The following RASGRF2 variants were observed in gnomAD, a reference collection of about 807,000 sequenced individuals.
RASGRF2 encodes the protein Ras protein specific guanine nucleotide releasing factor 2, also known as ras-specific guanine nucleotide-releasing factor 2.
A neutral mutation model predicts 151.0 loss-of-function variants in RASGRF2; 76 were observed. The observed-to-expected ratio is 0.50, with a 90% CI of 0.42 to 0.61. RASGRF2 has a LOEUF of 0.61. Among genes scored for constraint, RASGRF2 ranks in the 20% least tolerant of loss-of-function variants. The pLI is 0.00. For synonymous variants in RASGRF2, 504 were observed against 566.5 expected (o/e 0.89, Z 1.57); for missense variants, 1,148 against 1,564.6 (o/e 0.73, Z 4.49).
intron 12 of RASGRF2, among the ~76,000 whole-genome samples, chr5:81,097,240 C>T (rs913371594): frequency 2.0e-5 from 3 of 152,106 alleles, no homozygotes; most frequent in Admixed American, 6.5e-5. Flanking sequence ...GGATTACACG[C>T]GTGAGCCACT....
rs11955893 is a variant in RASGRF2 at position 81,155,613 on chromosome 5, A to G, written c.2687-24562A>G. Among the ~76,000 whole-genome samples the G allele has an allele frequency of 5.2e-5, 7 of 135,742 alleles. No homozygotes were observed. The East Asian group carries it at 1.5e-3, about 29-fold the overall frequency. 89.1% of individuals were successfully genotyped at this position (135,742 alleles called of 152,430 possible). On this transcript the variant is annotated intron_variant, in intron 17 of 26. Transcript: ENST00000265080. Reference sequence around the variant, plus strand: ...TCTGTCCAACCAAACCCATGCCCAAAACTGGCAGCAGTGGAGTCCCATAAG... The same window carrying G: ...TCTGTCCAACCAAACCCATGCCCAAGACTGGCAGCAGTGGAGTCCCATAAG...
At chr5:81,180,604 A>G (rs1321695030) in intron 18 of RASGRF2, among the ~76,000 whole-genome samples, 2 of 152,104 alleles carry the variant, frequency 1.3e-5, no homozygotes, top group African/African-American at 4.8e-5. Context: ...CTACCCTGGG[A>G]GCACTTTTCA....
chr5:81,022,101 C>T lies in RASGRF2; in HGVS notation c.289-20776C>T, dbSNP rs533389966. On this transcript the variant is annotated intron_variant, in intron 1 of 26. Transcript: ENST00000265080. The stretch of plus-strand genomic sequence containing the variant: ...TCATCAGAGATTCAAAGTATAGGAA[C>T]GATGGGGGAGTGGTAGCAGATGGTC... 3.7e-4 allele frequency among the ~76,000 whole-genome samples: 56 copies of T among 152,256 alleles called. 1 individual carries two copies. In the South Asian group the frequency reaches 9.1e-3, roughly 25 times the overall value.
intron 2 of RASGRF2, among the ~76,000 whole-genome samples, chr5:81,064,995 C>T (rs1561587561): frequency 6.6e-6 from 1 of 152,150 alleles, no homozygotes; most frequent in Non-Finnish European, 1.5e-5. Flanking sequence ...TGTTCTCCCA[C>T]TGGCTTTGAA....
At chr5:81,151,364 G>A (rs937243399) in intron 17 of RASGRF2, among the ~76,000 whole-genome samples, 4 of 149,782 alleles carry the variant, frequency 2.7e-5, no homozygotes, top group Non-Finnish European at 5.9e-5. Context: ...TTGGGTTTTT[G>A]GTCCACAGGA....
chr5:81,043,702 A>G (rs1750748894), intron 2 of RASGRF2, among the ~76,000 whole-genome samples: 1 of 152,008 alleles, frequency 6.6e-6, no homozygotes, highest in Admixed American at 6.6e-5. Flanking sequence ...CCACTCCCTA[A>G]TCCAGGCTGT....
intron 5 of RASGRF2, among the ~76,000 whole-genome samples, chr5:81,078,805 T>C (rs1752008873): frequency 6.6e-6 from 1 of 152,190 alleles, no homozygotes; most frequent in Non-Finnish European, 1.5e-5. Flanking sequence ...AATCCCTCGC[T>C]GAGTGGAGGG....
intron 1 of RASGRF2, among the ~76,000 whole-genome samples, chr5:80,971,869 C>T (rs928214152): frequency 2.0e-5 from 3 of 151,832 alleles, no homozygotes; most frequent in Non-Finnish European, 4.4e-5. Context: ...CCGCACTCCA[C>T]CCCAGCTAAT....
intron 12 of RASGRF2, among the ~76,000 whole-genome samples, 148 bp from the exon 13 acceptor site, chr5:81,108,832 CTCTGTGTGTGTGTGTG>C (rs1298266318): frequency 8.7e-6 from 1 of 115,394 alleles, no homozygotes; most frequent in Admixed American, 9.2e-5. Context: ...TATTTACCTA[CTCTGTGTGTGTGTGTG>C]TGTGTGTGTG....
chr5:81,225,885 A>G lies in RASGRF2; in HGVS notation c.*115A>G, dbSNP rs1323212451. ...GAAGCCAGGCTCCTTTCTCCACCAAAGAAGATGGAACCAGACTGGAATTCT... is the reference window on the plus strand; with the variant it reads ...GAAGCCAGGCTCCTTTCTCCACCAAGGAAGATGGAACCAGACTGGAATTCT... On this transcript the variant is annotated 3_prime_UTR_variant, in exon 27 of 27. Coordinates refer to ENST00000265080, the MANE Select transcript of RASGRF2 (RefSeq NM_006909.3). 6 of 1,117,962 alleles carry G rather than the reference A, an allele frequency of 5.4e-6. No homozygotes were observed. The highest frequency in any genetic ancestry group is 7.3e-6 in the Non-Finnish European group (6 of 826,644). 69.3% of individuals were successfully genotyped at this position (1,117,962 alleles called of 1,614,324 possible). A position where few individuals can be genotyped will look rare whatever the true frequency, so the allele number is the denominator to read the frequency against.
intron 17 of RASGRF2, among the ~76,000 whole-genome samples, chr5:81,130,894 A>G (rs540186280): frequency 6.6e-6 from 1 of 151,338 alleles, no homozygotes; most frequent in African/African-American, 2.5e-5. Context: ...CTAACAGGAA[A>G]CAAGGTATAG....
chr5:81,070,964 T>C (rs1393590060), intron 4 of RASGRF2, among the ~76,000 whole-genome samples: 1 of 152,210 alleles, frequency 6.6e-6, no homozygotes, highest in Non-Finnish European at 1.5e-5. Context: ...TTGGGGGGCA[T>C]GTGTGAAGAT....
At chr5:81,005,532 T>A (rs150147280) in intron 1 of RASGRF2, among the ~76,000 whole-genome samples, 5 of 152,270 alleles carry the variant, frequency 3.3e-5, no homozygotes, top group African/African-American at 4.8e-5. Flanking sequence ...TATCAGTCAG[T>A]GTTTTTAAGA....
chr5:81,087,318 G>A (rs1489213558), intron 9 of RASGRF2: 3 of 702,940 alleles, frequency 4.3e-6, no homozygotes, highest in Non-Finnish European at 7.8e-6. Flanking sequence ...AGAAACTTGC[G>A]TTGCTCAAAG....
chr5:81,199,523 A>C (rs1453351490), intron 18 of RASGRF2, among the ~76,000 whole-genome samples: 1 of 152,174 alleles, frequency 6.6e-6, no homozygotes, highest in Non-Finnish European at 1.5e-5. Context: ...TCTGTTCTCT[A>C]ATACACTTCA....
At chr5:81,103,883 C>T (rs1367541507) in intron 12 of RASGRF2, among the ~76,000 whole-genome samples, 1 of 151,984 alleles carries the variant, frequency 6.6e-6, no homozygotes, top group Non-Finnish European at 1.5e-5. Context: ...GGATATATAG[C>T]AGTTAATATG....
intron 1 of RASGRF2, among the ~76,000 whole-genome samples, chr5:81,023,973 C>A (rs991604106): frequency 6.6e-6 from 1 of 152,204 alleles, no homozygotes; most frequent in Non-Finnish European, 1.5e-5. Context: ...CTCAATACTT[C>A]CCATTCCCAG....
At chr5:81,070,643 G>GCAAAGACACCACCA in intron 4 of RASGRF2, 62 bp downstream of exon 4, 2 of 1,432,576 alleles carry the variant, frequency 1.4e-6, no homozygotes, top group Non-Finnish European at 2.0e-6. Context: ...TTCTATGGTG[G>GCAAAGACACCACCA]TGTCTTTGCC....
intron 12 of RASGRF2, among the ~76,000 whole-genome samples, chr5:81,107,400 G>A (rs866245705): frequency 6.6e-6 from 1 of 152,078 alleles, no homozygotes; most frequent in African/African-American, 2.4e-5. Flanking sequence ...TGAGGACATT[G>A]TTCACTACAT....
Sources: gnomAD v4.1 joint callset for allele counts (sites outside exome capture counted in the v4.1 genomes callset) on GRCh38, gnomAD v4.1.1 for gene constraint, MANE v1.5 for transcripts, NCBI Gene and HGNC (gene_info 2026-07-23, HGNC 2026-07-21) for gene names.